Variants in STXBP5L observed in about 807,000 individuals in gnomAD.
STXBP5L encodes syntaxin-binding protein 5-like.
A neutral mutation model predicts 144.5 loss-of-function variants in STXBP5L; 65 were observed. That is an observed-to-expected ratio of 0.45 (90% CI 0.37 to 0.55). The LOEUF (loss-of-function observed/expected upper bound fraction) is 0.55, where lower values mean the gene tolerates loss of function less well. Ranked by LOEUF, STXBP5L falls within the 20% of genes least tolerant of loss-of-function variation. The probability of loss-of-function intolerance (pLI) is 0.00; values close to 1 mark genes in which losing one functional copy is unlikely to be tolerated. For synonymous variants in STXBP5L, 505 were observed against 469.6 expected (o/e 1.08, Z -0.97); for missense variants, 1,298 against 1,405.5 (o/e 0.92, Z 1.22).
chr3:121,294,359 T>C (rs773435070), intron 19 of STXBP5L, among the ~76,000 whole-genome samples: 6 of 152,268 alleles, frequency 3.9e-5, no homozygotes, highest in Non-Finnish European at 8.8e-5. Flanking sequence ...ATTGTCATGA[T>C]ATTTTTTACA....
intron 2 of STXBP5L, chr3:120,925,148 G>A (rs888489683): frequency 6.6e-6 from 1 of 152,260 alleles, no homozygotes; most frequent in Non-Finnish European, 1.5e-5. Flanking sequence ...GATGATACAA[G>A]GAATGCACAC....
At chr3:121,407,200 A>G in intron 22 of STXBP5L, 43 bp from the exon 23 acceptor site, 1 of 1,520,248 alleles carries the variant, frequency 6.6e-7, no homozygotes, top group Non-Finnish European at 8.8e-7. Flanking sequence ...TAGATGCTTT[A>G]GAATGAATTT....
chr3:121,417,494 C>G (rs1156874054), intron 25 of STXBP5L, among the ~76,000 whole-genome samples: 2 of 149,990 alleles, frequency 1.3e-5, no homozygotes, highest in Non-Finnish European at 3.0e-5. Flanking sequence ...AAAAGAATCT[C>G]ACTTGGCTGC....
intron 7 of STXBP5L, among the ~76,000 whole-genome samples, chr3:121,151,934 CTTAT>C (rs1220301755): frequency 6.7e-6 from 1 of 149,456 alleles, no homozygotes; most frequent in Non-Finnish European, 1.5e-5. Context: ...TATTAATCAT[CTTAT>C]TTATTGATTT....
At chr3:121,087,033 T>C (rs1163892511) in intron 5 of STXBP5L, among the ~76,000 whole-genome samples, 2 of 152,090 alleles carry the variant, frequency 1.3e-5, no homozygotes, top group Non-Finnish European at 2.9e-5. Flanking sequence ...GATTCCATTG[T>C]ACTCAGAGAA....
intron 18 of STXBP5L, among the ~76,000 whole-genome samples, chr3:121,275,117 A>T (rs979433737): frequency 1.3e-5 from 2 of 152,274 alleles, no homozygotes; most frequent in South Asian, 2.1e-4. Context: ...GTCTGTCTTT[A>T]TACCAATACC....
At chr3:121,085,561 G>A (rs1185646630) in intron 5 of STXBP5L, among the ~76,000 whole-genome samples, 3 of 152,120 alleles carry the variant, frequency 2.0e-5, no homozygotes, top group African/African-American at 7.2e-5. Flanking sequence ...AATCATGAAT[G>A]AACTCCCATT....
Position 121,305,395 on chromosome 3 carries a change from A to G in STXBP5L, c.2111-13080A>G, listed in dbSNP as rs546600440. 3.2e-4 allele frequency among the ~76,000 whole-genome samples: 48 copies of G among 152,302 alleles called. No individual in the cohort carries two copies. The South Asian group carries it at 9.9e-3, about 32-fold the overall frequency. ...ACAAGTCAGTCTCATTTATGGAACT[A>G]GATGCAAAAATCAGATATAAAATAT... On this transcript the variant is annotated intron_variant, in intron 19 of 26. Transcript: ENST00000471454.
intron 19 of STXBP5L, among the ~76,000 whole-genome samples, chr3:121,287,630 A>T (rs2051276995): frequency 6.6e-6 from 1 of 152,142 alleles, no homozygotes; most frequent in South Asian, 2.1e-4. Flanking sequence ...GGGGTTCGAG[A>T]CCAGCCTGAC....
intron 7 of STXBP5L, among the ~76,000 whole-genome samples, chr3:121,146,898 A>AT (rs2045731830): frequency 6.6e-6 from 1 of 152,072 alleles, no homozygotes; most frequent in Admixed American, 6.6e-5. Context: ...TTGTGTTTTC[A>AT]TTTTGCATGG....
At chr3:121,351,133 T>C (rs1219442597) in intron 20 of STXBP5L, among the ~76,000 whole-genome samples, 1 of 152,086 alleles carries the variant, frequency 6.6e-6, no homozygotes, top group Non-Finnish European at 1.5e-5. Context: ...ACAGATGGAG[T>C]TTTGGTGTGG....
chr3:121,125,778 C>T (rs1034178365), intron 7 of STXBP5L, among the ~76,000 whole-genome samples: 6 of 152,128 alleles, frequency 3.9e-5, no homozygotes, highest in Non-Finnish European at 7.4e-5. Flanking sequence ...AGATGTGCTA[C>T]AACATAAGGC....
At chr3:121,361,887 G>A (rs1162295050) in intron 20 of STXBP5L, among the ~76,000 whole-genome samples, 2 of 151,992 alleles carry the variant, frequency 1.3e-5, no homozygotes, top group Admixed American at 1.3e-4. Flanking sequence ...TGAAGAGTTA[G>A]GTATTTATCT....
intron 9 of STXBP5L, among the ~76,000 whole-genome samples, chr3:121,189,550 C>A (rs2047550778): frequency 6.6e-6 from 1 of 152,104 alleles, no homozygotes; most frequent in Non-Finnish European, 1.5e-5. Flanking sequence ...GGTATTATTT[C>A]TGAGGGCTCT....
At chr3:121,161,664 G>A (rs2046326071) in intron 9 of STXBP5L, among the ~76,000 whole-genome samples, 2 of 151,798 alleles carry the variant, frequency 1.3e-5, no homozygotes, top group South Asian at 2.1e-4. Flanking sequence ...TGCAAACATC[G>A]ATTTTTCCTA....
chr3:121,142,297 A>G (rs2045541225), intron 7 of STXBP5L, among the ~76,000 whole-genome samples: 1 of 152,066 alleles, frequency 6.6e-6, no homozygotes, highest in Admixed American at 6.6e-5. Context: ...AATAGATAGC[A>G]ATGCAATCAT....
intron 7 of STXBP5L, among the ~76,000 whole-genome samples, chr3:121,127,203 C>A (rs1467703047): frequency 1.3e-5 from 2 of 148,470 alleles, no homozygotes; most frequent in Non-Finnish European, 2.9e-5. Flanking sequence ...GGCCCAGGAG[C>A]TGCTTATAAG....
At chr3:121,348,786 G>A (rs2045126819) in intron 20 of STXBP5L, among the ~76,000 whole-genome samples, 1 of 152,092 alleles carries the variant, frequency 6.6e-6, no homozygotes, top group South Asian at 2.1e-4. Flanking sequence ...TTGTACTTCT[G>A]TGGGATCGGC....
At chr3:120,968,125 A>T (rs1418901288) in intron 3 of STXBP5L, among the ~76,000 whole-genome samples, 1 of 152,188 alleles carries the variant, frequency 6.6e-6, no homozygotes, top group Non-Finnish European at 1.5e-5. Flanking sequence ...CATTTGGTCA[A>T]GAGTTCAGTT....
Sources: allele counts gnomAD v4.1 joint callset (sites outside exome capture counted in the v4.1 genomes callset), GRCh38; gene constraint gnomAD v4.1.1; transcripts MANE v1.5; gene names NCBI Gene and HGNC (gene_info 2026-07-23, HGNC 2026-07-21).